Variants in CARNMT1 observed in about 807,000 individuals in gnomAD.
CARNMT1 encodes the protein protein-L-histidine N-pros-methyltransferase CARNMT1.
CARNMT1 carries 28 observed loss-of-function variants against 49.6 expected under a neutral mutation model. The ratio of observed to expected loss-of-function variants is 0.56; its 90% CI spans 0.42 to 0.77. The LOEUF is 0.77. CARNMT1 is among the 30% of genes least tolerant of loss of function. CARNMT1 has a pLI of 0.00. For missense variants in CARNMT1, 421 were observed against 512.6 expected (o/e 0.82, Z 1.73); for synonymous variants, 178 against 175.0 (o/e 1.02, Z -0.13).
intron 3 of CARNMT1, among the ~76,000 whole-genome samples, chr9:75,004,334 C>T (rs933553252): frequency 3.3e-5 from 5 of 152,128 alleles, no homozygotes. Context: ...GGCATCTTAA[C>T]GTGGTTTTTA....
rs1422211924 is a variant in CARNMT1, at chr9:75,016,296, T to C, written c.562A>G (p.Ile188Val). The C allele has an allele frequency of 7.4e-6, 12 of 1,613,206 alleles. No individual in the cohort carries two copies. The highest frequency in any genetic ancestry group is 1.0e-5 in the Non-Finnish European group (12 of 1,179,828). The change falls in exon 3 of 8, where the codon ATT (isoleucine) becomes GTT (valine). Residue 188 changes from isoleucine to valine, a missense_variant. Physicochemically the swap from Ile to Val is conservative, Grantham distance 29. This residue lies in a region of CARNMT1 where 235 missense variants were observed against 344.8 expected (regional missense o/e 0.68). Transcript: ENST00000376834. ...CTCTCTTTTGGAAAATTTTTTAAAATTTCTTTAATGATTGGCTGGTAACAG... is the reference window on the plus strand; with the variant it reads ...CTCTCTTTTGGAAAATTTTTTAAAACTTCTTTAATGATTGGCTGGTAACAG... The part of the protein sequence containing the change: ...DACYQPIIKE[I>V]LKNFPKERWD...
At chr9:74,987,275 G>A (rs1404371458) in intron 6 of CARNMT1, among the ~76,000 whole-genome samples, 1 of 152,148 alleles carries the variant, frequency 6.6e-6, no homozygotes, top group Non-Finnish European at 1.5e-5. Context: ...CAGCAATTCT[G>A]TTAGGTACGT....
At chr9:75,017,490 T>C (rs1327708822) in intron 1 of CARNMT1, 42 bp from the exon 2 acceptor site, 1 of 1,539,126 alleles carries the variant, frequency 6.5e-7, no homozygotes, top group Non-Finnish European at 8.9e-7. Context: ...AAAAGAATTC[T>C]CACCAGAGGC....
chr9:75,021,252 T>A (rs1251554103), intron 1 of CARNMT1, among the ~76,000 whole-genome samples: 1 of 144,018 alleles, frequency 6.9e-6, no homozygotes, highest in Admixed American at 6.9e-5. Context: ...ATACATAGTA[T>A]ATACATAGTA....
intron 5 of CARNMT1, among the ~76,000 whole-genome samples, chr9:74,996,947 G>C (rs1833205130): frequency 6.6e-6 from 1 of 152,182 alleles, no homozygotes; most frequent in Non-Finnish European, 1.5e-5. Context: ...AATTCTGGCA[G>C]GTTTCAGAAA....
intron 6 of CARNMT1, among the ~76,000 whole-genome samples, chr9:74,986,469 T>A (rs574880839): frequency 6.6e-6 from 1 of 152,344 alleles, no homozygotes; most frequent in African/African-American, 2.4e-5. Context: ...GATTGTTTTC[T>A]ACCATTTCCT....
intron 1 of CARNMT1, among the ~76,000 whole-genome samples, chr9:75,025,835 G>A (rs1168471352): frequency 6.6e-6 from 1 of 152,164 alleles, no homozygotes; most frequent in Non-Finnish European, 1.5e-5. Context: ...GCACTGTCCA[G>A]TACAGCAGAC....
chr9:74,994,085 A>G (rs1005522189), intron 6 of CARNMT1, among the ~76,000 whole-genome samples: 1 of 152,184 alleles, frequency 6.6e-6, no homozygotes, highest in Non-Finnish European at 1.5e-5. Flanking sequence ...TAGTGTCCTT[A>G]TAAGAAGAGA....
Position 75,024,528 on chromosome 9 carries a change from C to T in CARNMT1, c.230+3484G>A, listed in dbSNP as rs138917174. Among the ~76,000 whole-genome samples the T allele has an allele frequency of 3.9e-3, 590 of 152,218 alleles. 5 individuals are homozygous for T. The highest frequency in any genetic ancestry group is 0.013 in the African/African-American group (558 of 41,528). ...TTTCTATGTGCTGAGGTGCTTCATT[C>T]GTAACAAGACTGGGTTATAAAACTA... On this transcript the variant is annotated intron_variant, in intron 1 of 7. Coordinates refer to ENST00000376834, the MANE Select transcript of CARNMT1 (RefSeq NM_152420.3).
intron 1 of CARNMT1, among the ~76,000 whole-genome samples, chr9:75,024,813 C>T (rs1822476344): frequency 6.6e-6 from 1 of 152,142 alleles, no homozygotes. Flanking sequence ...GGCACCAACC[C>T]CCTGTGCAGT....
intron 6 of CARNMT1, chr9:74,996,181 T>C: frequency 7.9e-6 from 2 of 252,020 alleles, no homozygotes; most frequent in South Asian, 8.1e-5. Context: ...AGGGAATGAT[T>C]ACCTACCATC....
At chr9:75,014,305 T>C (rs1468172269) in intron 3 of CARNMT1, among the ~76,000 whole-genome samples, 3 of 152,146 alleles carry the variant, frequency 2.0e-5, no homozygotes, top group Admixed American at 6.5e-5. Context: ...GTGTGTACTG[T>C]AGACAACTGG....
At chr9:75,007,151 T>C (rs1833535344) in intron 3 of CARNMT1, among the ~76,000 whole-genome samples, 1 of 152,206 alleles carries the variant, frequency 6.6e-6, no homozygotes, top group Admixed American at 6.5e-5. Context: ...TAAACTTGTA[T>C]CTATTACTTT....
At chr9:75,002,424 C>G (rs1435420168) in intron 3 of CARNMT1, among the ~76,000 whole-genome samples, 1 of 152,096 alleles carries the variant, frequency 6.6e-6, no homozygotes, top group Non-Finnish European at 1.5e-5. Flanking sequence ...CAGTAAAAGC[C>G]ACTAACTACA....
chr9:75,005,020 C>G (rs548609998), intron 3 of CARNMT1, among the ~76,000 whole-genome samples: 2 of 152,254 alleles, frequency 1.3e-5, no homozygotes, highest in South Asian at 4.1e-4. Flanking sequence ...CTTTACAGCA[C>G]TGAATTCTTA....
At chr9:75,017,834 A>C (rs112903681) in intron 1 of CARNMT1, among the ~76,000 whole-genome samples, 24 of 152,354 alleles carry the variant, frequency 1.6e-4, no homozygotes, top group African/African-American at 5.5e-4. Flanking sequence ...TATAATACAC[A>C]CAAAATATGT....
At chr9:75,027,007 CTT>C (rs1472926057) in intron 1 of CARNMT1, 1 of 1,087,228 alleles carries the variant, frequency 9.2e-7, no homozygotes, top group African/African-American at 1.6e-5. Flanking sequence ...TATAAAAAAA[CTT>C]TGCATAAAGC....
rs569770158 is a variant in CARNMT1, at chr9:74,999,803, T to C, written c.658A>G (p.Met220Val). The C allele has an allele frequency of 3.7e-6, 6 of 1,612,790 alleles. No individual in the cohort carries two copies. The African/African-American group carries it at 6.7e-5, about 18-fold the overall frequency. ...TTTCCTTGACAAGCATAACCTAGCATAGCTATTTCCCAGGCCAGTCTTCCT... is the reference window on the plus strand; with the variant it reads ...TTTCCTTGACAAGCATAACCTAGCACAGCTATTTCCCAGGCCAGTCTTCCT... ...GLGRLAWEIA[M>V]LGYACQGNEW... The change falls in exon 4 of 8, where the codon ATG becomes GTG. Residue 220 changes from methionine (M) to valine (V), a missense_variant. Coordinates refer to ENST00000376834, the MANE Select transcript of CARNMT1 (RefSeq NM_152420.3).
intron 6 of CARNMT1, among the ~76,000 whole-genome samples, chr9:74,985,249 G>A (rs556939228): frequency 7.2e-5 from 11 of 152,338 alleles, no homozygotes; most frequent in Admixed American, 5.2e-4. Context: ...CACACCATGG[G>A]CCTTCACCTT....
Sources: gnomAD v4.1 joint callset for allele counts (sites outside exome capture counted in the v4.1 genomes callset) on GRCh38, gnomAD v4.1.1 for gene constraint, gnomAD v4.1.1 regional missense constraint, MANE v1.5 for transcripts, NCBI Gene and HGNC (gene_info 2026-07-23, HGNC 2026-07-21) for gene names.